GFM1: variants seen among roughly 807,000 people sequenced by gnomAD.
GFM1 encodes the protein G elongation factor mitochondrial 1, also known as elongation factor G, mitochondrial.
GFM1 carries 62 observed loss-of-function variants against 96.2 expected under a neutral mutation model. The ratio of observed to expected loss-of-function variants is 0.64; its 90% CI spans 0.53 to 0.80. The LOEUF (loss-of-function observed/expected upper bound fraction) is 0.80, where lower values mean the gene tolerates loss of function less well. Among genes scored for constraint, GFM1 ranks in the 30% least tolerant of loss-of-function variants. GFM1 has a pLI of 0.00. For missense variants in GFM1, 852 were observed against 916.6 expected (o/e 0.93, Z 0.91); for synonymous variants, 282 against 312.9 (o/e 0.90, Z 1.04).
chr3:158,677,243 A>G (rs969959940), intron 13 of GFM1, among the ~76,000 whole-genome samples: 1 of 152,196 alleles, frequency 6.6e-6, no homozygotes, highest in African/African-American at 2.4e-5. Context: ...GTGCTTGCAC[A>G]TTCTCTCTCT....
intron 13 of GFM1, among the ~76,000 whole-genome samples, chr3:158,678,771 A>T (rs1034257440): frequency 6.6e-6 from 1 of 152,238 alleles, no homozygotes; most frequent in Admixed American, 6.5e-5. Flanking sequence ...TTTTGAAAGA[A>T]GTTCTACTAT....
At chr3:158,653,282 A>G (rs201689608) in intron 6 of GFM1, 28 bp from the exon 7 acceptor site, 6 of 1,579,306 alleles carry the variant, frequency 3.8e-6, no homozygotes, top group Non-Finnish European at 4.3e-6. Flanking sequence ...TTTAACATTA[A>G]CTACCATTAA....
chr3:158,693,046 G>A lies in GFM1; in HGVS notation c.*1579G>A, dbSNP rs185850054. ...TTCATTCTCACAACCCCGAGAGTAAGTACTATTATTATGTCCATTTTGTAA... is the reference window on the plus strand; with the variant it reads ...TTCATTCTCACAACCCCGAGAGTAAATACTATTATTATGTCCATTTTGTAA... On this transcript the variant is annotated 3_prime_UTR_variant, in exon 18 of 18. Transcript: ENST00000486715. The A allele has an allele frequency of 2.6e-5, 4 of 152,108 alleles. No individual in the cohort carries two copies. The highest frequency in any genetic ancestry group is 6.6e-5 in the Admixed American group (1 of 15,260). The allele number at this position is 152,108 out of a possible 1,614,324, so 9.4% of individuals were successfully genotyped here.
chr3:158,648,505 C>G (rs1336229401), intron 4 of GFM1, among the ~76,000 whole-genome samples: 1 of 151,954 alleles, frequency 6.6e-6, no homozygotes, highest in Admixed American at 6.6e-5. Context: ...AGTGAAACCC[C>G]ATCTCTACTA....
chr3:158,687,599 C>T (rs1470774545), intron 15 of GFM1, among the ~76,000 whole-genome samples: 3 of 152,144 alleles, frequency 2.0e-5, no homozygotes, highest in Non-Finnish European at 1.5e-5. Context: ...TCCCAAGTAG[C>T]TGAGATTACA....
chr3:158,651,748 T>C (rs1050829790), intron 5 of GFM1, among the ~76,000 whole-genome samples: 2 of 152,198 alleles, frequency 1.3e-5, no homozygotes. Flanking sequence ...GATTTTGTGT[T>C]ATATATTTTA....
chr3:158,672,038 T>C (rs2108068693), intron 13 of GFM1, among the ~76,000 whole-genome samples: 1 of 152,306 alleles, frequency 6.6e-6, no homozygotes, highest in Middle Eastern at 3.4e-3. Context: ...TTTGAATGGT[T>C]TCTACAGTTT....
At position 158,645,794 on chromosome 3, in the gene GFM1, G is replaced by A. The variant is rs1721731618; in HGVS notation, c.234+13G>A. ...AAAGATGCATGAGGTATATATTCAC[G>A]GTTGATTCCGGATTAATTAGAACCA... On this transcript the variant is annotated intron_variant, in intron 2 of 17. Coordinates refer to ENST00000486715, the MANE Select transcript of GFM1 (RefSeq NM_024996.7). The A allele has an allele frequency of 1.9e-6, 3 of 1,597,796 alleles. No individual in the cohort carries two copies. Among genetic ancestry groups the A allele is most frequent in the Middle Eastern group, 3.3e-4 (2 of 6,030 alleles).
At chr3:158,657,066 A>C (rs1460080209) in intron 8 of GFM1, 1 of 152,194 alleles carries the variant, frequency 6.6e-6, no homozygotes, top group Non-Finnish European at 1.5e-5. Context: ...GCTTCTGTAC[A>C]TAATATTTTA....
At chr3:158,672,243 G>T in intron 13 of GFM1, 1 of 1,389,592 alleles carries the variant, frequency 7.2e-7, no homozygotes, top group Non-Finnish European at 9.9e-7. Flanking sequence ...ACAGAAGGTG[G>T]GTAGGGGGTG....
chr3:158,655,891 GTCTCCTTATGA>G (rs760055802), intron 8 of GFM1: 25 of 457,284 alleles, frequency 5.5e-5, no homozygotes, highest in Non-Finnish European at 4.4e-5. Context: ...TGATTGTCAT[GTCTCCTTATGA>G]TCTCCTAGGC....
chr3:158,673,885 A>G (rs1724622828), intron 13 of GFM1, among the ~76,000 whole-genome samples: 1 of 151,946 alleles, frequency 6.6e-6, no homozygotes, highest in South Asian at 2.1e-4. Flanking sequence ...TCTGCAGTAA[A>G]TCTGGATTCT....
intron 13 of GFM1, among the ~76,000 whole-genome samples, chr3:158,667,466 T>A (rs1723820274): frequency 6.6e-6 from 1 of 152,178 alleles, no homozygotes; most frequent in Non-Finnish European, 1.5e-5. Flanking sequence ...AGAATCCAAT[T>A]TTATAACAGA....
chr3:158,673,508 C>CTTTTTTTTTTTTTT (rs766011688), intron 13 of GFM1, among the ~76,000 whole-genome samples: 15 of 114,262 alleles, frequency 1.3e-4, no homozygotes, highest in South Asian at 2.7e-4. Flanking sequence ...CTTTTCTTTT[C>CTTTTTTTTTTTTTT]TTTTTTTTTT....
At chr3:158,651,253 G>C (rs1045807742) in intron 5 of GFM1, among the ~76,000 whole-genome samples, 2 of 151,998 alleles carry the variant, frequency 1.3e-5, no homozygotes, top group African/African-American at 4.8e-5. Flanking sequence ...ATATGATCAG[G>C]TCTGTTATTA....
At chr3:158,658,886 T>G (rs376140244) in intron 8 of GFM1, 36 bp from the exon 9 acceptor site, 5 of 1,611,980 alleles carry the variant, frequency 3.1e-6, no homozygotes, top group Non-Finnish European at 4.2e-6. Context: ...ATGTTTCTTT[T>G]TATTCTTCCT....
In GFM1 at chr3:158,644,603, C is replaced by A; in HGVS notation, c.-32C>A. 1 of 1,549,632 alleles carries A rather than the reference C, an allele frequency of 6.5e-7. No individual in the cohort carries two copies. Among genetic ancestry groups the A allele is most frequent in the Non-Finnish European group, 8.7e-7 (1 of 1,145,304 alleles). ...ACCGGCAGCTGAACCCACCCGGCGC[C>A]ACGGGACTTTGACGCGTGCTCTGCG... is the stretch of plus-strand genomic sequence containing the variant. On this transcript the variant is annotated 5_prime_UTR_variant, in exon 1 of 18. Transcript: ENST00000486715.
rs1232874207 is a variant in GFM1 at position 158,695,255 on chromosome 3, C to G, written c.*3788C>G. The G allele has an allele frequency of 6.6e-6, 1 of 152,094 alleles. No homozygotes were observed. Among genetic ancestry groups the G allele is most frequent in the African/African-American group, 2.4e-5 (1 of 41,398 alleles). The allele number at this position is 152,094 out of a possible 1,614,324, so 9.4% of individuals were successfully genotyped here. A position where few individuals can be genotyped will look rare whatever the true frequency, so the allele number is the denominator to read the frequency against. ...CGGGCGGGGTGGCTCACGCCTGTAG[C>G]CCCAGCTGCTCAGGAGGCTGAGGCA... On this transcript the variant is annotated 3_prime_UTR_variant, in exon 18 of 18. Transcript: ENST00000486715.
chr3:158,666,528 A>G (rs944328743), intron 13 of GFM1, 142 bp downstream of exon 13: 201 of 1,169,166 alleles, frequency 1.7e-4, no homozygotes, highest in Non-Finnish European at 2.5e-4. Flanking sequence ...CTATACTGTA[A>G]TCAAGACATT....
Sources: allele counts gnomAD v4.1 joint callset (sites outside exome capture counted in the v4.1 genomes callset), GRCh38; gene constraint gnomAD v4.1.1; transcripts MANE v1.5; gene names NCBI Gene and HGNC (gene_info 2026-07-23, HGNC 2026-07-21).